Variants in PDE1C observed in about 807,000 individuals in gnomAD.
PDE1C encodes dual specificity calcium/calmodulin-dependent 3',5'-cyclic nucleotide phosphodiesterase 1C.
Under a neutral mutation model 93.1 loss-of-function variants are expected in PDE1C, and 62 were observed. That is an observed-to-expected ratio of 0.67 (90% confidence interval 0.54 to 0.82). The LOEUF (loss-of-function observed/expected upper bound fraction) is 0.82, where lower values mean the gene tolerates loss of function less well. Among genes scored for constraint, PDE1C ranks in the 40% least tolerant of loss-of-function variants. The pLI is 0.00. For missense variants in PDE1C, 742 were observed against 884.6 expected, an observed-to-expected ratio of 0.84 and a Z score of 2.04; for synonymous variants, 325 against 310.1, an observed-to-expected ratio of 1.05 and a Z score of -0.50.
intron 1 of PDE1C, among the ~76,000 whole-genome samples, chr7:32,326,317 C>T (rs547202980): frequency 1.3e-5 from 2 of 152,146 alleles, no homozygotes; most frequent in African/African-American, 2.4e-5. Context: ...GTGGGAGTCA[C>T]TGGCATATGG....
chr7:32,270,923 G>GAGTTTGAGACC (rs960494344), intron 1 of PDE1C, among the ~76,000 whole-genome samples: 1 of 151,960 alleles, frequency 6.6e-6, no homozygotes, highest in African/African-American at 2.4e-5. Flanking sequence ...CTGAGGTCAG[G>GAGTTTGAGACC]AGTTTGAGAC....
intron 2 of PDE1C, among the ~76,000 whole-genome samples, chr7:32,172,724 A>C (rs1802725548): frequency 1.3e-5 from 2 of 148,966 alleles, no homozygotes; most frequent in South Asian, 4.5e-4. Flanking sequence ...TGGGAGTCTG[A>C]GGCAGGAGAA....
intron 1 of PDE1C, among the ~76,000 whole-genome samples, chr7:32,237,744 A>ATATATG (rs1257366025): frequency 1.2e-5 from 1 of 86,924 alleles, no homozygotes; most frequent in Non-Finnish European, 2.4e-5. Context: ...GGCTCTGTGT[A>ATATATG]TATATATATA....
At chr7:32,118,305 T>G (rs1799100849) in intron 3 of PDE1C, among the ~76,000 whole-genome samples, 1 of 152,148 alleles carries the variant, frequency 6.6e-6, no homozygotes, top group South Asian at 2.1e-4. Context: ...ACCGTGGACT[T>G]AAGGCCAGGC....
At chr7:32,109,863 C>T (rs147460342) in intron 3 of PDE1C, among the ~76,000 whole-genome samples, 107 of 152,096 alleles carry the variant, frequency 7.0e-4, no homozygotes, top group African/African-American at 2.4e-3. Context: ...TTCTGAGAAG[C>T]TATTATTTTA....
chr7:31,662,305 T>G, the PDE1C span, among the ~76,000 whole-genome samples: 1 of 152,218 alleles, frequency 6.6e-6, no homozygotes, highest in Non-Finnish European at 1.5e-5. Context: ...AGGTTACTCC[T>G]GAATAGAAAA....
chr7:31,747,253 A>G (rs915234092), downstream of PDE1C, among the ~76,000 whole-genome samples: 2 of 152,202 alleles, frequency 1.3e-5, no homozygotes, highest in Admixed American at 6.5e-5. Context: ...AAGGACCTCA[A>G]TTGAACCTCC....
At chr7:32,082,580 C>G (rs1399363168) in intron 3 of PDE1C, among the ~76,000 whole-genome samples, 1 of 152,234 alleles carries the variant, frequency 6.6e-6, no homozygotes, top group Non-Finnish European at 1.5e-5. Flanking sequence ...GACCCCTGAG[C>G]AGCCTAACTG....
intron 1 of PDE1C, among the ~76,000 whole-genome samples, chr7:32,242,042 G>A (rs1412004943): frequency 6.6e-6 from 1 of 152,182 alleles, no homozygotes; most frequent in South Asian, 2.1e-4. Flanking sequence ...GTCTCTCAGA[G>A]TGGGAGAATG....
chr7:32,216,984 A>G (rs1584976942), intron 1 of PDE1C, among the ~76,000 whole-genome samples: 1 of 152,172 alleles, frequency 6.6e-6, no homozygotes, highest in Non-Finnish European at 1.5e-5. Flanking sequence ...CCCTGGTACT[A>G]GGCATAAGGC....
At chr7:31,790,098 G>T in intron 16 of PDE1C, 1 of 1,513,908 alleles carries the variant, frequency 6.6e-7, no homozygotes, top group Non-Finnish European at 8.8e-7. Flanking sequence ...AAGGCCAAGG[G>T]TCAGGGGGTG....
the PDE1C span, chr7:31,656,530 A>C: frequency 2.5e-6 from 2 of 810,144 alleles, no homozygotes; most frequent in African/African-American, 3.4e-5. Context: ...TGTTGAAAAG[A>C]ACTGTTAGCA....
chr7:32,001,059 AAAC>A (rs1785398891), intron 2 of PDE1C, among the ~76,000 whole-genome samples: 1 of 152,070 alleles, frequency 6.6e-6, no homozygotes, highest in Admixed American at 6.6e-5. Context: ...CCAAGTGAAA[AAAC>A]AAGGCATAGA....
intron 16 of PDE1C, 61 bp from the exon 17 acceptor site, chr7:31,775,793 T>A: frequency 7.4e-7 from 1 of 1,352,430 alleles, no homozygotes; most frequent in Non-Finnish European, 1.1e-6. Context: ...GTTGGACAAG[T>A]AAATGTTCAT....
chr7:32,164,672 A>G (rs1030370421), intron 3 of PDE1C, among the ~76,000 whole-genome samples: 1 of 152,220 alleles, frequency 6.6e-6, no homozygotes, highest in African/African-American at 2.4e-5. Context: ...ATGAATGCAC[A>G]GTCCTCGGCA....
intron 1 of PDE1C, among the ~76,000 whole-genome samples, chr7:32,225,997 G>A (rs1229535879): frequency 6.6e-6 from 1 of 152,150 alleles, no homozygotes; most frequent in Non-Finnish European, 1.5e-5. Context: ...GGGAGGGGTT[G>A]CAGTGAGCCA....
At chr7:32,085,486 C>T (rs1285379057) in intron 3 of PDE1C, among the ~76,000 whole-genome samples, 1 of 149,064 alleles carries the variant, frequency 6.7e-6, no homozygotes, top group Non-Finnish European at 1.5e-5. Context: ...AGAGGGAATC[C>T]TCCCTAACTC....
At chr7:32,305,736 G>T (rs1812983604) in intron 1 of PDE1C, among the ~76,000 whole-genome samples, 1 of 152,202 alleles carries the variant, frequency 6.6e-6, no homozygotes, top group African/African-American at 2.4e-5. Flanking sequence ...CAACTCACTA[G>T]GGCAAGAGTC....
In PDE1C at chr7:32,217,616, T is replaced by C. The variant is rs181013446; in HGVS notation, c.86-8077A>G. Among the ~76,000 whole-genome samples, 4 of 152,238 alleles carry C rather than the reference T, an allele frequency of 2.6e-5. No individual in the cohort carries two copies. In the East Asian group the frequency reaches 7.7e-4, roughly 29 times the overall value. ...GACTGAGCTTAGCAAGATGTGTTTG[T>C]GACACATGACCAAAGCCTGCCATGG... On this transcript the variant is annotated intron_variant, in intron 1 of 18. Transcript: ENST00000396193.
Sources: gnomAD v4.1 joint callset for allele counts (sites outside exome capture counted in the v4.1 genomes callset) on GRCh38, gnomAD v4.1.1 for gene constraint, MANE v1.5 for transcripts, NCBI Gene and HGNC (gene_info 2026-07-23, HGNC 2026-07-21) for gene names.